The following SMIM41 variants were observed in gnomAD, a reference collection of about 807,000 sequenced individuals.
SMIM41 encodes the protein small integral membrane protein 41.
Position 52,107,510 on chromosome 12 carries a change from C to G in SMIM41, c.*327C>G. On this transcript the variant is annotated 3_prime_UTR_variant, in exon 3 of 3. Coordinates refer to ENST00000546390, the MANE Select transcript of SMIM41 (RefSeq NM_001369216.1). ...ACTCCCACCTCCACACCTCCATGTA[C>G]TTCTTCCTCTCCAACCTGTCCTTGC... 1 of 941,114 alleles carries G rather than the reference C, an allele frequency of 1.1e-6. No individual in the cohort carries two copies. Among genetic ancestry groups the G allele is most frequent in the Non-Finnish European group, 1.7e-6 (1 of 601,826 alleles). The allele number at this position is 941,114 out of a possible 1,614,324, so 58.3% of individuals were successfully genotyped here.
intron 2 of SMIM41, among the ~76,000 whole-genome samples, chr12:52,098,754 C>G (rs1174666289): frequency 3.3e-5 from 5 of 150,270 alleles, no homozygotes; most frequent in Non-Finnish European, 7.4e-5. Flanking sequence ...GGTGTACTGC[C>G]TCTGCGATAT....
intron 2 of SMIM41, among the ~76,000 whole-genome samples, chr12:52,089,963 A>G (rs1259422744): frequency 1.3e-5 from 2 of 152,232 alleles, no homozygotes; most frequent in Admixed American, 1.3e-4. Context: ...AGTTCAACCT[A>G]TGGAGCAAAG....
intron 2 of SMIM41, among the ~76,000 whole-genome samples, chr12:52,090,696 A>G (rs1442205922): frequency 6.6e-6 from 1 of 152,198 alleles, no homozygotes; most frequent in African/African-American, 2.4e-5. Flanking sequence ...CAGAGCATCA[A>G]CCTGAAATGA....
chr12:52,091,281 C>G (rs927966522), intron 2 of SMIM41, among the ~76,000 whole-genome samples: 1 of 152,224 alleles, frequency 6.6e-6, no homozygotes, highest in South Asian at 2.1e-4. Context: ...GGGAGCTGTC[C>G]TCAGCCTGAG....
chr12:52,080,381 G>GCCGCC (rs1939800340), intron 1 of SMIM41, among the ~76,000 whole-genome samples, 200 bp downstream of exon 1: 1 of 152,186 alleles, frequency 6.6e-6, no homozygotes, highest in Non-Finnish European at 1.5e-5. Context: ...TCAGGAGGAG[G>GCCGCC]CCGCCCCGCC....
intron 2 of SMIM41, among the ~76,000 whole-genome samples, chr12:52,105,622 G>A (rs573857036): frequency 4.6e-5 from 7 of 152,112 alleles, no homozygotes; most frequent in Admixed American, 2.0e-4. Context: ...GCATAGTGGC[G>A]GGCGCCTGTA....
At chr12:52,090,332 C>T (rs1424378344) in intron 2 of SMIM41, among the ~76,000 whole-genome samples, 1 of 151,972 alleles carries the variant, frequency 6.6e-6, no homozygotes, top group Non-Finnish European at 1.5e-5. Context: ...ACCCATCTGC[C>T]TCAGCCTCCC....
intron 2 of SMIM41, among the ~76,000 whole-genome samples, chr12:52,089,567 C>T (rs4313621): frequency 0.089 from 13,456 of 152,006 alleles, 1,912 homozygotes; most frequent in African/African-American, 0.31. Context: ...CACTCCAACC[C>T]GGGCAACAGA....
At chr12:52,090,663 T>C (rs1395087414) in intron 2 of SMIM41, among the ~76,000 whole-genome samples, 1 of 152,192 alleles carries the variant, frequency 6.6e-6, no homozygotes, top group East Asian at 1.9e-4. Context: ...AGGAAGCCAC[T>C]GAAGAGTGTG....
intron 1 of SMIM41, among the ~76,000 whole-genome samples, chr12:52,082,673 C>G (rs758332644): frequency 6.6e-6 from 1 of 151,642 alleles, no homozygotes; most frequent in Non-Finnish European, 1.5e-5. Context: ...GCTCACTTAG[C>G]CTGCACCGTC....
At chr12:52,096,601 T>C (rs891456294) in intron 2 of SMIM41, among the ~76,000 whole-genome samples, 8 of 151,846 alleles carry the variant, frequency 5.3e-5, no homozygotes, top group African/African-American at 1.9e-4. Flanking sequence ...TATTAGGAGC[T>C]AATATTACTG....
In SMIM41 at chr12:52,108,007, C is replaced by T. The variant is rs1278717788; in HGVS notation, c.*824C>T. On this transcript the variant is annotated 3_prime_UTR_variant, in exon 3 of 3. Transcript: ENST00000546390. ...TTCTCTTACTATAAAATTGTTTCCT[C>T]CATTCTGAGGGTTTCATCATCAGGT... 1 of 250,072 alleles carries T rather than the reference C, an allele frequency of 4.0e-6. No individual in the cohort carries two copies. The highest frequency in any genetic ancestry group is 7.8e-6 in the Non-Finnish European group (1 of 127,586). 15.5% of individuals were successfully genotyped at this position (250,072 alleles called of 1,614,324 possible).
intron 2 of SMIM41, among the ~76,000 whole-genome samples, chr12:52,104,884 A>G (rs1318315049): frequency 2.0e-5 from 3 of 152,172 alleles, no homozygotes; most frequent in Non-Finnish European, 4.4e-5. Flanking sequence ...AGGGCTTCCT[A>G]AAGGCCAGGC....
At chr12:52,093,620 C>T (rs556371765) in intron 2 of SMIM41, 14 of 151,980 alleles carry the variant, frequency 9.2e-5, no homozygotes, top group African/African-American at 2.7e-4. Flanking sequence ...CTGTATTGGC[C>T]GAGAGACTGG....
chr12:52,092,918 A>C (rs571066763), intron 2 of SMIM41, among the ~76,000 whole-genome samples: 74 of 152,360 alleles, frequency 4.9e-4, no homozygotes, highest in Admixed American at 3.1e-3. Context: ...ATGGCGGCTC[A>C]TGCCTGTAAT....
intron 2 of SMIM41, chr12:52,084,920 CA>C (rs1480554591): frequency 1.3e-5 from 2 of 152,126 alleles, no homozygotes; most frequent in Non-Finnish European, 2.9e-5. Flanking sequence ...TCGCCTGGAC[CA>C]GGGGTAAGAA....
chr12:52,096,847 C>G (rs12303531), intron 2 of SMIM41, among the ~76,000 whole-genome samples: 1 of 151,778 alleles, frequency 6.6e-6, no homozygotes, highest in Non-Finnish European at 1.5e-5. Context: ...AAAATGTACA[C>G]CCCCCTGTGA....
At chr12:52,107,358 T>C (rs540486629) in intron 2 of SMIM41, 21 bp from the exon 3 acceptor site, 1 of 510,004 alleles carries the variant, frequency 2.0e-6, no homozygotes, top group South Asian at 1.5e-5. Flanking sequence ...CTAACAGATG[T>C]CTCTATATTC....
At chr12:52,092,622 G>A (rs1277577985) in intron 2 of SMIM41, 2 of 152,116 alleles carry the variant, frequency 1.3e-5, no homozygotes, top group African/African-American at 4.8e-5. Flanking sequence ...TTTTTTTAGA[G>A]GAGCATCTCA....
Sources: gnomAD v4.1 joint callset for allele counts (sites outside exome capture counted in the v4.1 genomes callset) on GRCh38, gnomAD v4.1.1 for gene constraint, MANE v1.5 for transcripts, NCBI Gene and HGNC (gene_info 2026-07-23, HGNC 2026-07-21) for gene names.